Variants in DNAH14 observed in about 807,000 individuals in gnomAD.
DNAH14 encodes the protein axonemal beta dynein heavy chain 14.
Under a neutral mutation model 520.9 loss-of-function variants are expected in DNAH14, and 478 were observed. The ratio of observed to expected loss-of-function variants is 0.92; its 90% confidence interval spans 0.85 to 0.99. DNAH14 has a LOEUF of 0.99. Ranked by LOEUF, DNAH14 falls within the 50% of genes least tolerant of loss-of-function variation. DNAH14 has a pLI of 0.00. For missense variants in DNAH14, 4,831 were observed against 5,234.5 expected (o/e 0.92, Z 2.38); for synonymous variants, 1,581 against 1,757.2 (o/e 0.90, Z 2.51).
chr1:225,206,062 G>T lies in DNAH14; in HGVS notation c.6069G>T (p.Leu2023Phe). ...LNSVLDDTRT[L>F]CLANSERIAL... ...CTGTGCTAGATGATACTAGAACATTGTGCCTAGCAAACAGTGAGAGAATAG... is the reference window on the plus strand; with the variant it reads ...CTGTGCTAGATGATACTAGAACATTTTGCCTAGCAAACAGTGAGAGAATAG... The change falls in exon 40 of 86, where the codon TTG (leucine) becomes TTT (phenylalanine). Residue 2023 changes from leucine (L) to phenylalanine (F), a missense_variant. Coordinates refer to ENST00000682510, the MANE Select transcript of DNAH14 (RefSeq NM_001367479.1). 6.4e-7 allele frequency: 1 copy of T among 1,551,558 alleles called. No individual in the cohort carries two copies. The highest frequency in any genetic ancestry group is 8.7e-7 in the Non-Finnish European group (1 of 1,146,852).
At position 225,392,555 on chromosome 1, in the gene DNAH14, T is replaced by C. The variant is rs986741499; in HGVS notation, c.13491+104T>C. On this transcript the variant is annotated intron_variant, in intron 84 of 85. Transcript: ENST00000682510. ...AAACCTTTACTCAGCACTTACCACA[T>C]GCCAGGCACTAGACAGGCAGATCAA... is the stretch of plus-strand genomic sequence containing the variant. The C allele has an allele frequency of 1.5e-5, 21 of 1,381,088 alleles. No individual in the cohort carries two copies. The African/African-American group carries it at 2.6e-4, about 17-fold the overall frequency. The allele number at this position is 1,381,088 out of a possible 1,614,324, so 85.6% of individuals were successfully genotyped here. A position where few individuals can be genotyped will look rare whatever the true frequency, so the allele number is the denominator to read the frequency against.
chr1:225,040,824 A>G (rs763094331), intron 12 of DNAH14, among the ~76,000 whole-genome samples: 10 of 152,228 alleles, frequency 6.6e-5, no homozygotes, highest in South Asian at 2.1e-4. Flanking sequence ...ACCAATTTCA[A>G]TGACCTTTAG....
chr1:225,351,858 G>A lies in DNAH14; in HGVS notation c.11508G>A (p.Glu3836=), dbSNP rs772928871. ...TCTCTTCAGAAAATGCTTCATTGGA[G>A]GAAAATACAAAACCACCAGAGGAAA... ...TPFSSENASL[E]ENTKPPEETE... is the part of the protein sequence containing the mutation. The change falls in exon 72 of 86, where the codon GAG becomes GAA. Residue 3836 remains glutamate, a synonymous_variant. Transcript: ENST00000682510. 1.3e-6 allele frequency: 2 copies of A among 1,550,790 alleles called. No individual in the cohort carries two copies. Among genetic ancestry groups the A allele is most frequent in the Admixed American group, 2.0e-5 (1 of 50,922 alleles).
At chr1:225,138,802 C>T (rs1343350935) in intron 27 of DNAH14, among the ~76,000 whole-genome samples, 3 of 152,134 alleles carry the variant, frequency 2.0e-5, no homozygotes, top group Non-Finnish European at 4.4e-5. Flanking sequence ...TCCCCAACCC[C>T]ACTGCTTCTC....
In DNAH14 at chr1:225,051,744, C is replaced by T. The variant is rs548274526; in HGVS notation, c.2373C>T (p.Ser791=). ...LLYIDNVIHM[S]HTLIQSVIEK... ...ATATTGACAACGTCATACATATGAGCCACACCCTCATACAATCTGTAATTG... is the reference window on the plus strand; with the variant it reads ...ATATTGACAACGTCATACATATGAGTCACACCCTCATACAATCTGTAATTG... The change falls in exon 17 of 86, where the codon AGC becomes AGT. Residue 791 remains serine, a synonymous_variant. Coordinates refer to ENST00000682510, the MANE Select transcript of DNAH14 (RefSeq NM_001367479.1). The T allele has an allele frequency of 1.9e-6, 3 of 1,544,974 alleles. No homozygotes were observed. Among genetic ancestry groups the T allele is most frequent in the African/African-American group, 2.8e-5 (2 of 72,698 alleles).
intron 17 of DNAH14, among the ~76,000 whole-genome samples, chr1:225,066,681 A>G (rs1478765005): frequency 1.3e-5 from 2 of 151,112 alleles, no homozygotes; most frequent in African/African-American, 4.9e-5. Context: ...CCCAAAGTTT[A>G]TTATATTGTT....
At chr1:225,194,740 T>C (rs1471429080) in intron 38 of DNAH14, among the ~76,000 whole-genome samples, 1 of 151,970 alleles carries the variant, frequency 6.6e-6, no homozygotes, top group Non-Finnish European at 1.5e-5. Context: ...ACCTATAGAA[T>C]TGGAGAAAAT....
At chr1:225,257,116 T>C (rs1030648540) in intron 44 of DNAH14, among the ~76,000 whole-genome samples, 2 of 152,232 alleles carry the variant, frequency 1.3e-5, no homozygotes, top group East Asian at 1.9e-4. Flanking sequence ...TTCCAGAAAT[T>C]ATTATGTATT....
intron 28 of DNAH14, among the ~76,000 whole-genome samples, chr1:225,142,865 G>A (rs2079576213): frequency 6.6e-6 from 1 of 152,144 alleles, no homozygotes; most frequent in African/African-American, 2.4e-5. Flanking sequence ...GGTGGAGATT[G>A]CAGTGAGCTG....
chr1:225,323,028 C>T (rs1023492131), intron 62 of DNAH14, among the ~76,000 whole-genome samples: 2 of 152,164 alleles, frequency 1.3e-5, no homozygotes, highest in Admixed American at 1.3e-4. Flanking sequence ...CTGATTATGG[C>T]TCCCAAAAGT....
chr1:224,986,303 C>A (rs2062631090), intron 8 of DNAH14, among the ~76,000 whole-genome samples: 3 of 138,190 alleles, frequency 2.2e-5, no homozygotes, highest in Non-Finnish European at 4.6e-5. Context: ...ATACCAAAAC[C>A]AGACAAAGGC....
intron 55 of DNAH14, among the ~76,000 whole-genome samples, chr1:225,291,377 C>T (rs191533033): frequency 2.0e-4 from 31 of 151,998 alleles, no homozygotes; most frequent in African/African-American, 7.5e-4. Flanking sequence ...GGATAAATGC[C>T]CAGAAGTGGG....
intron 11 of DNAH14, among the ~76,000 whole-genome samples, chr1:225,026,877 C>G (rs1466992314): frequency 6.6e-6 from 1 of 152,020 alleles, no homozygotes; most frequent in Admixed American, 6.6e-5. Context: ...GTATAGTCTT[C>G]CAGTCCATGA....
At position 225,250,723 on chromosome 1, in the gene DNAH14, G is replaced by A. The variant is rs1262108941; in HGVS notation, c.6749-1578G>A. 9.5e-6 allele frequency: 5 copies of A among 524,026 alleles called. No individual in the cohort carries two copies. In the South Asian group the frequency reaches 1.5e-4, roughly 16 times the overall value. The allele number at this position is 524,026 out of a possible 1,614,324, so 32.5% of individuals were successfully genotyped here. ...GGAACTGTGGGCAAGTACCTTTATT[G>A]TGGTTTCTGCAGGAAGGAATGGGCA... On this transcript the variant is annotated intron_variant, in intron 43 of 85. Coordinates refer to ENST00000682510, the MANE Select transcript of DNAH14 (RefSeq NM_001367479.1).
At chr1:224,983,761 A>C (rs2062434527) in intron 8 of DNAH14, among the ~76,000 whole-genome samples, 1 of 152,202 alleles carries the variant, frequency 6.6e-6, no homozygotes, top group Admixed American at 6.6e-5. Context: ...GCAGTGACCA[A>C]GCAGAGAATC....
Position 225,308,784 on chromosome 1 carries a change from G to T in DNAH14, c.9240+374G>T, listed in dbSNP as rs114199364. ...TTTGGTGTGTGTCACTTCTGTTGCT[G>T]ACTGAATAATCCTCTTTTTAAATTG... On this transcript the variant is annotated intron_variant, in intron 60 of 85. Transcript: ENST00000682510. Among the ~76,000 whole-genome samples the T allele has an allele frequency of 4.3e-3, 649 of 152,306 alleles. 6 individuals are homozygous for T. Among genetic ancestry groups the T allele is most frequent in the African/African-American group, 0.015 (616 of 41,570 alleles).
At chr1:225,125,482 T>G (rs1179421897) in intron 27 of DNAH14, among the ~76,000 whole-genome samples, 3 of 152,238 alleles carry the variant, frequency 2.0e-5, no homozygotes, top group African/African-American at 4.8e-5. Flanking sequence ...TTTACATTAC[T>G]GAGACAGCTT....
At chr1:225,344,239 A>G (rs1359245272) in intron 69 of DNAH14, among the ~76,000 whole-genome samples, 1 of 144,664 alleles carries the variant, frequency 6.9e-6, no homozygotes. Flanking sequence ...TTTTTTTTTA[A>G]CTTTTAAGTT....
Position 225,079,360 on chromosome 1 carries a change from C to G in DNAH14, c.2578C>G (p.His860Asp). The G allele has an allele frequency of 1.3e-6, 2 of 1,550,880 alleles. No homozygotes were observed. The highest frequency in any genetic ancestry group is 1.7e-6 in the Non-Finnish European group (2 of 1,146,762). The change falls in exon 18 of 86, where the codon CAT becomes GAT. Residue 860 changes from histidine (H) to aspartate (D), a missense_variant. By Grantham distance (81) the His-to-Asp change is moderately conservative. Transcript: ENST00000682510. Reference sequence around the variant, plus strand: ...GTCTCAGCTATATTCTGTTGCAAAGCATCACCAGATCCATATTTCAGAAGA... The same window carrying G: ...GTCTCAGCTATATTCTGTTGCAAAGGATCACCAGATCCATATTTCAGAAGA... The part of the protein sequence containing the change: ...TMSQLYSVAK[H>D]HQIHISEEQI...
Sources: gnomAD v4.1 joint callset for allele counts (sites outside exome capture counted in the v4.1 genomes callset) on GRCh38, gnomAD v4.1.1 for gene constraint, MANE v1.5 for transcripts, NCBI Gene and HGNC (gene_info 2026-07-23, HGNC 2026-07-21) for gene names.